Variants in TBC1D9B observed in about 807,000 individuals in gnomAD.
The protein encoded by TBC1D9B is TBC1 domain family, member 9B (with GRAM domain).
A neutral mutation model predicts 121.1 loss-of-function variants in TBC1D9B; 87 were observed. That is an observed-to-expected ratio of 0.72 (90% CI 0.60 to 0.86). The LOEUF (loss-of-function observed/expected upper bound fraction) is 0.86. TBC1D9B is among the 40% of genes least tolerant of loss of function. The pLI is 0.00. For synonymous variants in TBC1D9B, 668 were observed against 670.1 expected, an observed-to-expected ratio of 1.00 and a Z score of 0.05; for missense variants, 1,540 against 1,628.6, an observed-to-expected ratio of 0.95 and a Z score of 0.94.
chr5:179,906,652 C>A (rs1761324432), intron 1 of TBC1D9B, among the ~76,000 whole-genome samples: 1 of 152,180 alleles, frequency 6.6e-6, no homozygotes, highest in Non-Finnish European at 1.5e-5. Context: ...GCCCGAGATC[C>A]TTGAAGCCCA....
At chr5:179,884,754 C>G (rs1231753025) in intron 7 of TBC1D9B, among the ~76,000 whole-genome samples, 1 of 152,132 alleles carries the variant, frequency 6.6e-6, no homozygotes, top group Admixed American at 6.6e-5. Flanking sequence ...AAGCCAGGCA[C>G]AAAAGGGAAA....
Position 179,890,373 on chromosome 5 carries a change from C to T in TBC1D9B, c.1044+1006G>A, listed in dbSNP as rs1760827940. On this transcript the variant is annotated intron_variant, in intron 6 of 20. Coordinates refer to ENST00000355235, the MANE Select transcript of TBC1D9B (RefSeq NM_015043.4). The surrounding 1 kb of genome is among the most constrained non-coding windows in gnomAD (Gnocchi z 5.0). The stretch of plus-strand genomic sequence containing the variant: ...AAGGGCCCGGCAGGAGAAATCCAAA[C>T]GGAGCCTCAGGTGTCAGGAAGACCC... 1.3e-5 allele frequency among the ~76,000 whole-genome samples: 2 copies of T among 152,194 alleles called. No individual in the cohort carries two copies. The highest frequency in any genetic ancestry group is 2.4e-5 in the African/African-American group (1 of 41,438).
chr5:179,888,526 G>A (rs779676365), intron 6 of TBC1D9B, among the ~76,000 whole-genome samples: 10 of 152,130 alleles, frequency 6.6e-5, no homozygotes, highest in Non-Finnish European at 1.0e-4. Flanking sequence ...TGTCGATGGC[G>A]GGGAGCACAC....
chr5:179,897,322 T>TC (rs1482965636), intron 3 of TBC1D9B, among the ~76,000 whole-genome samples: 4 of 149,380 alleles, frequency 2.7e-5, no homozygotes, highest in Non-Finnish European at 6.0e-5. Flanking sequence ...TTTTCTTTTT[T>TC]TTTTTTTTGA....
At chr5:179,903,494 G>A (rs946210964) in intron 2 of TBC1D9B, among the ~76,000 whole-genome samples, 1 of 152,190 alleles carries the variant, frequency 6.6e-6, no homozygotes, top group South Asian at 2.1e-4. Flanking sequence ...AGGTGGCCGC[G>A]AACACTGAGT....
intron 14 of TBC1D9B, 30 bp downstream of exon 14, chr5:179,872,861 AG>A: frequency 3.0e-6 from 3 of 1,000,546 alleles, no homozygotes; most frequent in Admixed American, 4.7e-5. Context: ...CCCCCAGCCC[AG>A]CCCCTGCCCA....
intron 1 of TBC1D9B, among the ~76,000 whole-genome samples, chr5:179,905,086 G>A (rs1228006660): frequency 1.3e-5 from 2 of 152,204 alleles, no homozygotes; most frequent in African/African-American, 4.8e-5. Flanking sequence ...GTTTCATGGG[G>A]CCAGAGCTTA....
In TBC1D9B at chr5:179,863,794, T is replaced by C. The variant is rs148212311; in HGVS notation, c.3356A>G (p.Gln1119Arg). The C allele has an allele frequency of 4.6e-4, 749 of 1,613,626 alleles. 1 individual carries two copies. Among genetic ancestry groups the C allele is most frequent in the Non-Finnish European group, 6.1e-4 (725 of 1,179,982 alleles). ...VVVEGGSGEG[Q>R]GSPSQLLSDD... Reference sequence around the variant, plus strand: ...AGACAGCAGCTGGGAGGGTGAGCCCTGTCCCTCGCCGCTGCCCCCCTCCAC... The same window carrying C: ...AGACAGCAGCTGGGAGGGTGAGCCCCGTCCCTCGCCGCTGCCCCCCTCCAC... Residue 1119 changes from glutamine to arginine, a missense_variant, in exon 21 of 21, where the codon CAG (glutamine) becomes CGG (arginine). Gln to Arg is a conservative substitution (Grantham distance 43). Coordinates refer to ENST00000355235, the MANE Select transcript of TBC1D9B (RefSeq NM_015043.4). The surrounding 1 kb of genome is among the most constrained non-coding windows in gnomAD (Gnocchi z 4.5).
chr5:179,893,497 G>A, intron 4 of TBC1D9B, 30 bp from the exon 5 acceptor site: 1 of 1,564,582 alleles, frequency 6.4e-7, no homozygotes, highest in Non-Finnish European at 8.7e-7. Context: ...CACACCGCAA[G>A]TTAGGGCCTG....
At position 179,879,732 on chromosome 5, in the gene TBC1D9B, T is replaced by G. The variant is rs1398720872; in HGVS notation, c.1312A>C (p.Ser438Arg). The G allele has an allele frequency of 1.1e-5, 17 of 1,614,030 alleles. No homozygotes were observed. The highest frequency in any genetic ancestry group is 1.3e-5 in the Non-Finnish European group (15 of 1,180,020). The change falls in exon 8 of 21, where the codon AGC (serine) becomes CGC (arginine). Residue 438 changes from serine (S) to arginine (R), a missense_variant. Coordinates refer to ENST00000355235, the MANE Select transcript of TBC1D9B (RefSeq NM_015043.4). ...EQPASPASPL[S>R]SRQSFCAQEA... is the part of the protein sequence containing the mutation. The stretch of plus-strand genomic sequence containing the variant: ...TGCGCACAGAAGCTCTGGCGGCTGC[T>G]GAGGGGAGAGGCTGGGCTGGCGGGC...
Position 179,907,023 on chromosome 5 carries a change from A to G in TBC1D9B, c.118+681T>C, listed in dbSNP as rs1009774478. ...TGGATCCCACAGGCCGCACGACTCC[A>G]AGGGTGCCTGTCCAGCTTCATCCTG... On this transcript the variant is annotated intron_variant, in intron 1 of 20. Transcript: ENST00000355235. The surrounding 1 kb of genome is among the most constrained non-coding windows in gnomAD (Gnocchi z 5.3). 6.6e-6 allele frequency among the ~76,000 whole-genome samples: 1 copy of G among 152,108 alleles called. No individual in the cohort carries two copies. The highest frequency in any genetic ancestry group is 2.4e-5 in the African/African-American group (1 of 41,432).
intron 13 of TBC1D9B, 43 bp from the exon 14 acceptor site, chr5:179,873,033 G>A: frequency 1.2e-6 from 2 of 1,613,742 alleles, no homozygotes; most frequent in Non-Finnish European, 1.7e-6. Flanking sequence ...CAACTGCAGG[G>A]CAGAGGGCCA....
At chr5:179,872,855 C>CA in intron 14 of TBC1D9B, 37 bp downstream of exon 14, 4 of 1,510,552 alleles carry the variant, frequency 2.6e-6, no homozygotes, top group Non-Finnish European at 3.6e-6. Flanking sequence ...GCTGCCCCCC[C>CA]AGCCCAGCCC....
chr5:179,866,004 C>T (rs1759996132), intron 18 of TBC1D9B, 116 bp from the exon 19 acceptor site: 1 of 1,329,608 alleles, frequency 7.5e-7, no homozygotes, highest in East Asian at 2.4e-5. Flanking sequence ...CAGGCCAGGC[C>T]CTGGGGAGCA....
Position 179,904,593 on chromosome 5 carries a change from G to T in TBC1D9B, c.229+109C>A, listed in dbSNP as rs1233266063. On this transcript the variant is annotated intron_variant, in intron 2 of 20. Coordinates refer to ENST00000355235, the MANE Select transcript of TBC1D9B (RefSeq NM_015043.4). The surrounding 1 kb of genome is among the most constrained non-coding windows in gnomAD (Gnocchi z 4.2). Reference sequence around the variant, plus strand: ...CCCTCTTGCAGCCTTGGGCTATGCTGTCAGCAGGGAATACCACCCAGACAC... The same window carrying T: ...CCCTCTTGCAGCCTTGGGCTATGCTTTCAGCAGGGAATACCACCCAGACAC... 1.1e-6 allele frequency: 1 copy of T among 950,758 alleles called. No homozygotes were observed. The highest frequency in any genetic ancestry group is 1.6e-6 in the Non-Finnish European group (1 of 620,368). 58.9% of individuals were successfully genotyped at this position (950,758 alleles called of 1,614,324 possible).
Position 179,893,473 on chromosome 5 carries a change from C to A in TBC1D9B, c.578-6G>T, listed in dbSNP as rs1159165015. ...CCACTGCACCACGAGGCTCACTGTG[C>A]CCACAGAGATAGACACACCGCAAGT... On this transcript the variant is annotated splice_polypyrimidine_tract_variant and splice_region_variant and intron_variant, in intron 4 of 20. Coordinates refer to ENST00000355235, the MANE Select transcript of TBC1D9B (RefSeq NM_015043.4). The A allele has an allele frequency of 6.3e-7, 1 of 1,592,264 alleles. No individual in the cohort carries two copies. The highest frequency in any genetic ancestry group is 1.1e-5 in the South Asian group (1 of 87,380).
chr5:179,875,217 G>A lies in TBC1D9B; in HGVS notation c.1901-30C>T, dbSNP rs377506798. On this transcript the variant is annotated intron_variant, in intron 11 of 20. Transcript: ENST00000355235. The surrounding 1 kb of genome is among the most constrained non-coding windows in gnomAD (Gnocchi z 4.5). ...GGGCAGGATGAGCGAGGCTGATGGT[G>A]AGCCCACCCTGTGGCCTGGGTGGGC... 4 of 1,604,314 alleles carry A rather than the reference G, an allele frequency of 2.5e-6. No individual in the cohort carries two copies. The highest frequency in any genetic ancestry group is 2.7e-5 in the African/African-American group (2 of 74,786).
chr5:179,906,909 A>C (rs1335223822), intron 1 of TBC1D9B, among the ~76,000 whole-genome samples: 5 of 152,242 alleles, frequency 3.3e-5, no homozygotes, highest in Non-Finnish European at 5.9e-5. Context: ...AGCCCGAGCC[A>C]GCCGGGCTCC....
Position 179,891,273 on chromosome 5 carries a change from C to T in TBC1D9B, c.1044+106G>A. 7.5e-7 allele frequency: 1 copy of T among 1,336,964 alleles called. No homozygotes were observed. The highest frequency in any genetic ancestry group is 2.3e-5 in the East Asian group (1 of 42,580). 82.8% of individuals were successfully genotyped at this position (1,336,964 alleles called of 1,614,324 possible). ...GACTGCCTGGGCTAGGGCATCCTCCCAGGTACCCCCCAGTGAGACAGGGCA... is the reference window on the plus strand; with the variant it reads ...GACTGCCTGGGCTAGGGCATCCTCCTAGGTACCCCCCAGTGAGACAGGGCA... On this transcript the variant is annotated intron_variant, in intron 6 of 20. Coordinates refer to ENST00000355235, the MANE Select transcript of TBC1D9B (RefSeq NM_015043.4). This position sits in a 1 kb window ranked among gnomAD's most constrained non-coding sequence, Gnocchi z 4.3.
Sources: allele counts gnomAD v4.1 joint callset (sites outside exome capture counted in the v4.1 genomes callset), GRCh38; gene constraint gnomAD v4.1.1; non-coding constraint Gnocchi (gnomAD v3.1); transcripts MANE v1.5; gene names NCBI Gene and HGNC (gene_info 2026-07-23, HGNC 2026-07-21).